Variants in NETO2 observed in about 807,000 individuals in gnomAD.
NETO2 encodes the protein neuropilin and tolloid like 2.
Under a neutral mutation model 62.5 loss-of-function variants are expected in NETO2, and 28 were observed. The observed-to-expected ratio is 0.45, with a 90% CI of 0.33 to 0.61. NETO2 has a LOEUF of 0.61. Among genes scored for constraint, NETO2 ranks in the 20% least tolerant of loss-of-function variants. The pLI, the probability that NETO2 is intolerant of heterozygous loss-of-function variation, is 0.02. For synonymous variants in NETO2, 214 were observed against 219.1 expected (o/e 0.98, Z 0.21); for missense variants, 548 against 643.2 (o/e 0.85, Z 1.60).
chr16:47,092,663 G>A (rs1441114607), intron 7 of NETO2, among the ~76,000 whole-genome samples: 1 of 152,138 alleles, frequency 6.6e-6, no homozygotes, highest in Non-Finnish European at 1.5e-5. Context: ...GTAGTTATTT[G>A]ACACAGTGAA....
Position 47,143,759 on chromosome 16 carries a change from G to T in NETO2, c.-147C>A. ...CCCCGCTCCCCTGAGGAGAGCTCAG[G>T]TCCTGCGGCCCGCCATGCCCGAGCC... On this transcript the variant is annotated 5_prime_UTR_variant, in exon 1 of 9. Coordinates refer to ENST00000562435, the MANE Select transcript of NETO2 (RefSeq NM_018092.5). The T allele has an allele frequency of 9.2e-7, 1 of 1,090,442 alleles. No homozygotes were observed. The highest frequency in any genetic ancestry group is 1.2e-6 in the Non-Finnish European group (1 of 867,398). 67.5% of individuals were successfully genotyped at this position (1,090,442 alleles called of 1,614,324 possible).
intron 1 of NETO2, among the ~76,000 whole-genome samples, chr16:47,138,228 C>T (rs1056276520): frequency 8.5e-5 from 13 of 152,078 alleles, no homozygotes; most frequent in Admixed American, 2.0e-4. Context: ...GGTGAAACCC[C>T]GTCTCTAATA....
chr16:47,091,160 T>A (rs1963304659), intron 7 of NETO2, among the ~76,000 whole-genome samples: 1 of 152,232 alleles, frequency 6.6e-6, no homozygotes, highest in South Asian at 2.1e-4. Flanking sequence ...TCCCTTATTT[T>A]AATCACACAC....
chr16:47,118,212 T>C (rs1322043084), intron 6 of NETO2, among the ~76,000 whole-genome samples: 1 of 152,208 alleles, frequency 6.6e-6, no homozygotes, highest in Non-Finnish European at 1.5e-5. Flanking sequence ...TGGGTGGTGG[T>C]CCCAATGTTC....
intron 1 of NETO2, among the ~76,000 whole-genome samples, chr16:47,138,830 CGT>C (rs1964408395): frequency 6.6e-6 from 1 of 152,186 alleles, no homozygotes; most frequent in African/African-American, 2.4e-5. Context: ...CTGGAGCCTG[CGT>C]GTCTCTCTGG....
intron 6 of NETO2, among the ~76,000 whole-genome samples, chr16:47,110,810 C>T (rs890304841): frequency 2.6e-5 from 4 of 151,674 alleles, no homozygotes; most frequent in Admixed American, 2.6e-4. Context: ...ATATTCCCCC[C>T]CCACCCCACC....
At position 47,078,761 on chromosome 16, in the gene NETO2, G is replaced by A. The variant is rs539802674; in HGVS notation, c.*4460C>T. ...AGATCAAAAAAGCAAGAACACAGGAGCTCTTCCTGCCTAGTATCGAGCCTG... is the reference window on the plus strand; with the variant it reads ...AGATCAAAAAAGCAAGAACACAGGAACTCTTCCTGCCTAGTATCGAGCCTG... On this transcript the variant is annotated 3_prime_UTR_variant, in exon 9 of 9. Coordinates refer to ENST00000562435, the MANE Select transcript of NETO2 (RefSeq NM_018092.5). 6.6e-6 allele frequency: 1 copy of A among 152,152 alleles called. No homozygotes were observed. Among genetic ancestry groups the A allele is most frequent in the Non-Finnish European group, 1.5e-5 (1 of 68,022 alleles). The allele number at this position is 152,152 out of a possible 1,614,324, so 9.4% of individuals were successfully genotyped here. A position where few individuals can be genotyped will look rare whatever the true frequency, so the allele number is the denominator to read the frequency against.
Position 47,081,496 on chromosome 16 carries a change from T to C in NETO2, c.*1725A>G, listed in dbSNP as rs527887459. 1 of 152,660 alleles carries C rather than the reference T, an allele frequency of 6.6e-6. No homozygotes were observed. The highest frequency in any genetic ancestry group is 1.5e-5 in the Non-Finnish European group (1 of 67,968). The allele number at this position is 152,660 out of a possible 1,614,324, so 9.5% of individuals were successfully genotyped here. On this transcript the variant is annotated 3_prime_UTR_variant, in exon 9 of 9. Transcript: ENST00000562435. ...CTGTCTCCTAAATATTATCTACTTT[T>C]TTAAAAAACAAAAATTTTGATACAA... is the stretch of plus-strand genomic sequence containing the variant.
At chr16:47,119,680 C>G (rs1467512162) in intron 6 of NETO2, among the ~76,000 whole-genome samples, 1 of 151,624 alleles carries the variant, frequency 6.6e-6, no homozygotes, top group Admixed American at 6.6e-5. Flanking sequence ...TTTAGCTGTA[C>G]CGCAGTTTTT....
intron 1 of NETO2, among the ~76,000 whole-genome samples, chr16:47,139,500 C>T (rs1298519676): frequency 1.3e-5 from 2 of 152,178 alleles, no homozygotes; most frequent in Non-Finnish European, 2.9e-5. Flanking sequence ...CTTTTAAAAT[C>T]CAACACAGAG....
chr16:47,127,789 C>T (rs1038155888), intron 4 of NETO2, among the ~76,000 whole-genome samples: 2 of 152,192 alleles, frequency 1.3e-5, no homozygotes, highest in African/African-American at 4.8e-5. Context: ...TACTAATGGC[C>T]AATCTCAAAC....
At chr16:47,099,495 C>T (rs1963497772) in intron 7 of NETO2, among the ~76,000 whole-genome samples, 1 of 152,090 alleles carries the variant, frequency 6.6e-6, no homozygotes, top group Admixed American at 6.6e-5. Context: ...CTAAATGCCC[C>T]CAATTAAAAG....
At chr16:47,084,350 T>G (rs1386819169) in intron 8 of NETO2, among the ~76,000 whole-genome samples, 1 of 152,200 alleles carries the variant, frequency 6.6e-6, no homozygotes, top group African/African-American at 2.4e-5. Flanking sequence ...TTTATTGAAC[T>G]CTTACAGCAG....
chr16:47,130,820 T>C (rs368634859), intron 2 of NETO2, among the ~76,000 whole-genome samples: 6 of 152,138 alleles, frequency 3.9e-5, no homozygotes, highest in African/African-American at 1.2e-4. Context: ...GTTGAGGAAT[T>C]TGAAGAGTTG....
chr16:47,109,294 C>A (rs552608238), intron 7 of NETO2, among the ~76,000 whole-genome samples, 189 bp downstream of exon 7: 2 of 151,548 alleles, frequency 1.3e-5, no homozygotes, highest in African/African-American at 4.9e-5. Flanking sequence ...AATCAACACC[C>A]CACCTCTAAA....
chr16:47,084,280 C>T (rs1038057320), intron 8 of NETO2, among the ~76,000 whole-genome samples: 1 of 152,180 alleles, frequency 6.6e-6, no homozygotes, highest in Non-Finnish European at 1.5e-5. Flanking sequence ...ACTGAAAACA[C>T]TTCATGTCGA....
chr16:47,122,890 T>C lies in NETO2; in HGVS notation c.504A>G (p.Gly168=). 1.2e-6 allele frequency: 2 copies of C among 1,613,796 alleles called. No individual in the cohort carries two copies. The highest frequency in any genetic ancestry group is 1.7e-6 in the Non-Finnish European group (2 of 1,179,830). ...FIPDPDFTYL[G]GILNPIPDCQ... is the part of the protein sequence containing the mutation. ...AACCTGGAATGGGATTTAAAATACC[T>C]CCTAGGTAAGTAAAGTCTGGATCTG... Residue 168 remains glycine (G), a synonymous_variant, in exon 5 of 9, where the codon GGA becomes GGG. Transcript: ENST00000562435.
intron 4 of NETO2, among the ~76,000 whole-genome samples, chr16:47,123,747 G>C (rs756852427): frequency 2.7e-4 from 41 of 152,276 alleles, no homozygotes; most frequent in Middle Eastern, 3.4e-3. Flanking sequence ...GCCCAGGCAG[G>C]AGTACAGTGG....
intron 7 of NETO2, among the ~76,000 whole-genome samples, chr16:47,104,717 T>G (rs1963633205): frequency 6.6e-6 from 1 of 152,104 alleles, no homozygotes; most frequent in African/African-American, 2.4e-5. Context: ...AAATAAATCT[T>G]CACATAATTT....
Sources: allele counts gnomAD v4.1 joint callset (sites outside exome capture counted in the v4.1 genomes callset), GRCh38; gene constraint gnomAD v4.1.1; transcripts MANE v1.5; gene names NCBI Gene and HGNC (gene_info 2026-07-23, HGNC 2026-07-21).